Variants in COL26A1 observed in about 807,000 individuals in gnomAD.
COL26A1 encodes collagen type XXVI alpha 1 chain, also known as collagen alpha-1(XXVI) chain.
In COL26A1, 41 loss-of-function variants were observed where a neutral mutation model predicts 59.3. The ratio of observed to expected loss-of-function variants is 0.69; its 90% CI spans 0.54 to 0.90. The LOEUF (loss-of-function observed/expected upper bound fraction) is 0.90, where lower values mean the gene tolerates loss of function less well. COL26A1 is among the 40% of genes least tolerant of loss of function. The probability of loss-of-function intolerance (pLI) is 0.00; values close to 1 mark genes in which losing one functional copy is unlikely to be tolerated. For missense variants in COL26A1, 612 were observed against 602.3 expected (o/e 1.02, Z -0.17); for synonymous variants, 266 against 256.0 (o/e 1.04, Z -0.37).
At chr7:101,398,761 G>C (rs1167289765) in intron 1 of COL26A1, among the ~76,000 whole-genome samples, 1 of 152,152 alleles carries the variant, frequency 6.6e-6, no homozygotes, top group Non-Finnish European at 1.5e-5. Context: ...AGTTCTCAGA[G>C]GGCCGCTGCA....
At chr7:101,377,026 C>T (rs10281333) in intron 1 of COL26A1, among the ~76,000 whole-genome samples, 9,675 of 151,824 alleles carry the variant, frequency 0.064, 706 homozygotes, top group African/African-American at 0.17. Flanking sequence ...ACCTGGCTAA[C>T]TGTTGTATGT....
chr7:101,507,059 T>G lies in COL26A1; in HGVS notation c.386-26023T>G, dbSNP rs1251951295. On this transcript the variant is annotated intron_variant, in intron 3 of 12. Transcript: ENST00000313669. The stretch of plus-strand genomic sequence containing the variant: ...CCTCCCGAGTAGCTGGGACTACAGG[T>G]GTGTACCACCACGCCTGGCTAATTT... Among the ~76,000 whole-genome samples, 3 of 151,722 alleles carry G rather than the reference T, an allele frequency of 2.0e-5. No individual in the cohort carries two copies. The East Asian group carries it at 5.9e-4, about 30-fold the overall frequency.
At chr7:101,470,419 A>T (rs771024493) in intron 3 of COL26A1, among the ~76,000 whole-genome samples, 2 of 151,848 alleles carry the variant, frequency 1.3e-5, no homozygotes, top group Non-Finnish European at 2.9e-5. Context: ...CTATTGGCAT[A>T]GCTGCCGGCA....
At chr7:101,455,337 G>A (rs946538901) in intron 3 of COL26A1, among the ~76,000 whole-genome samples, 2 of 151,736 alleles carry the variant, frequency 1.3e-5, no homozygotes, top group Admixed American at 6.6e-5. Flanking sequence ...AGCCACCATG[G>A]GCAGCCTAGT....
chr7:101,542,268 A>G (rs972513063), intron 5 of COL26A1, among the ~76,000 whole-genome samples: 4 of 151,968 alleles, frequency 2.6e-5, no homozygotes, highest in Non-Finnish European at 5.9e-5. Context: ...CACGCAGCCT[A>G]ATTTTTGTAT....
intron 2 of COL26A1, among the ~76,000 whole-genome samples, chr7:101,436,411 C>T (rs777464329): frequency 4.6e-5 from 7 of 152,140 alleles, no homozygotes; most frequent in Non-Finnish European, 8.8e-5. Context: ...TTTCTCCCCT[C>T]GTGGGGGTTC....
chr7:101,481,638 A>G (rs1178742931), intron 3 of COL26A1, among the ~76,000 whole-genome samples: 2 of 151,570 alleles, frequency 1.3e-5, no homozygotes, highest in African/African-American at 4.9e-5. Context: ...TTTTGTAGAA[A>G]CGGGGTCACG....
chr7:101,457,291 T>C (rs2130412220), intron 3 of COL26A1, among the ~76,000 whole-genome samples: 1 of 152,284 alleles, frequency 6.6e-6, no homozygotes, highest in African/African-American at 2.4e-5. Flanking sequence ...GGTTCTACCA[T>C]AGTTATCTAT....
rs1794364188 is a variant in COL26A1 at position 101,489,698 on chromosome 7, TGTC to T, written c.385+41912_385+41914del. On this transcript the variant is annotated intron_variant, in intron 3 of 12. Coordinates refer to ENST00000313669, the MANE Select transcript of COL26A1 (RefSeq NM_001278563.3). ...CTTCCTTCCTTTCTTTCTTTCTTTC[TGTC>T]TTTCTTTCTTTCATTCTTTCTTTCT... 3.0e-4 allele frequency among the ~76,000 whole-genome samples: 6 copies of T among 19,990 alleles called. 3 individuals are homozygous for T. Among genetic ancestry groups the T allele is most frequent in the African/African-American group, 8.8e-4 (6 of 6,800 alleles). The allele number at this position is 19,990 out of a possible 152,430, so 13.1% of individuals were successfully genotyped here.
chr7:101,504,104 CT>C (rs200019390), intron 3 of COL26A1, among the ~76,000 whole-genome samples: 13 of 151,256 alleles, frequency 8.6e-5, no homozygotes, highest in Non-Finnish European at 1.2e-4. Context: ...CCCAACACCT[CT>C]TTTTTTTTCT....
intron 1 of COL26A1, among the ~76,000 whole-genome samples, chr7:101,397,357 C>T (rs1791879434): frequency 6.7e-6 from 1 of 149,750 alleles, no homozygotes; most frequent in African/African-American, 2.5e-5. Flanking sequence ...CTTTTCCTTC[C>T]TTCCTTCCTT....
intron 1 of COL26A1, among the ~76,000 whole-genome samples, chr7:101,382,426 A>G (rs1489353395): frequency 1.3e-5 from 2 of 152,098 alleles, no homozygotes; most frequent in African/African-American, 4.8e-5. Flanking sequence ...TGAATAACCC[A>G]TTCTTCCTTG....
chr7:101,530,142 T>C (rs978026443), intron 3 of COL26A1, among the ~76,000 whole-genome samples: 1 of 151,888 alleles, frequency 6.6e-6, no homozygotes, highest in Non-Finnish European at 1.5e-5. Flanking sequence ...TGGGGTAGCT[T>C]AAGGTGTAGG....
At chr7:101,431,459 C>A (rs1004022758) in intron 2 of COL26A1, among the ~76,000 whole-genome samples, 5 of 152,060 alleles carry the variant, frequency 3.3e-5, no homozygotes, top group African/African-American at 1.2e-4. Flanking sequence ...GGGGTTTCAC[C>A]ATGTTGCGTA....
chr7:101,526,833 C>T (rs977718548), intron 3 of COL26A1, among the ~76,000 whole-genome samples: 11 of 152,290 alleles, frequency 7.2e-5, no homozygotes, highest in African/African-American at 2.6e-4. Flanking sequence ...CCAGTGTAAA[C>T]CCCCTTTATA....
At chr7:101,509,351 C>A (rs1052036360) in intron 3 of COL26A1, among the ~76,000 whole-genome samples, 7 of 152,044 alleles carry the variant, frequency 4.6e-5, no homozygotes, top group African/African-American at 1.7e-4. Context: ...GAGGCTGAGG[C>A]AGGAGAATAG....
At chr7:101,384,400 G>T (rs1254290615) in intron 1 of COL26A1, among the ~76,000 whole-genome samples, 2 of 151,912 alleles carry the variant, frequency 1.3e-5, no homozygotes, top group African/African-American at 4.8e-5. Context: ...GCTAAATTTT[G>T]TATTTTTAGT....
At chr7:101,366,790 T>A (rs1483583855) in intron 1 of COL26A1, among the ~76,000 whole-genome samples, 1 of 152,112 alleles carries the variant, frequency 6.6e-6, no homozygotes, top group Non-Finnish European at 1.5e-5. Flanking sequence ...TGTGAGCCAC[T>A]GTGCCTGGCC....
At chr7:101,530,498 G>A (rs767913959) in intron 3 of COL26A1, among the ~76,000 whole-genome samples, 24 of 150,672 alleles carry the variant, frequency 1.6e-4, no homozygotes, top group Non-Finnish European at 2.8e-4. Flanking sequence ...AACTTGAGGC[G>A]GAGGTTGCAG....
Sources: gnomAD v4.1 joint callset for allele counts (sites outside exome capture counted in the v4.1 genomes callset) on GRCh38, gnomAD v4.1.1 for gene constraint, MANE v1.5 for transcripts, NCBI Gene and HGNC (gene_info 2026-07-23, HGNC 2026-07-21) for gene names.